MGAT4C: variants seen among roughly 807,000 people sequenced by gnomAD.
The protein encoded by MGAT4C is alpha-1,3-mannosyl-glycoprotein 4-beta-N-acetylglucosaminyltransferase C.
MGAT4C carries 19 observed loss-of-function variants against 40.1 expected under a neutral mutation model. The ratio of observed to expected loss-of-function variants is 0.47; its 90% CI spans 0.33 to 0.70. The LOEUF (loss-of-function observed/expected upper bound fraction) is 0.70, where lower values mean the gene tolerates loss of function less well. Among genes scored for constraint, MGAT4C ranks in the 30% least tolerant of loss-of-function variants. The pLI is 0.02. For synonymous variants in MGAT4C, 181 were observed against 187.1 expected (o/e 0.97, Z 0.27); for missense variants, 491 against 563.2 (o/e 0.87, Z 1.30).
chr12:86,658,709 T>C (rs150792545), intron 2 of MGAT4C, among the ~76,000 whole-genome samples: 1 of 152,192 alleles, frequency 6.6e-6, no homozygotes, highest in Non-Finnish European at 1.5e-5. Context: ...TTTCAAAAAG[T>C]ATTTTTTTTA....
At chr12:86,825,896 G>A (rs1157160985) in intron 1 of MGAT4C, among the ~76,000 whole-genome samples, 1 of 151,390 alleles carries the variant, frequency 6.6e-6, no homozygotes, top group East Asian at 1.9e-4. Context: ...GGGTCTTGGA[G>A]ATTTAAAAAG....
intron 1 of MGAT4C, among the ~76,000 whole-genome samples, chr12:86,758,393 A>ATT (rs771174751): frequency 0.24 from 34,221 of 144,142 alleles, 3,888 homozygotes; most frequent in East Asian, 0.33. Context: ...TTTTTTTTAA[A>ATT]AAAAAGAAAC....
intron 4 of MGAT4C, among the ~76,000 whole-genome samples, chr12:86,278,124 CTAGA>C (rs1247028597): frequency 4.1e-5 from 6 of 145,718 alleles, no homozygotes; most frequent in Non-Finnish European, 9.0e-5. Context: ...TGGTTAATTC[CTAGA>C]TATTTAATTT....
At chr12:86,530,736 C>A (rs937131452) in intron 2 of MGAT4C, among the ~76,000 whole-genome samples, 4 of 151,974 alleles carry the variant, frequency 2.6e-5, no homozygotes, top group African/African-American at 9.7e-5. Context: ...TTCACTATTT[C>A]TCAATCAAGA....
intron 3 of MGAT4C, among the ~76,000 whole-genome samples, chr12:86,420,302 A>G (rs989965229): frequency 3.3e-5 from 5 of 152,082 alleles, no homozygotes; most frequent in Non-Finnish European, 5.9e-5. Context: ...GGATCACTTG[A>G]GCCCAGAGGT....
chr12:86,512,034 T>C (rs994284532), intron 2 of MGAT4C, among the ~76,000 whole-genome samples: 1 of 151,866 alleles, frequency 6.6e-6, no homozygotes, highest in Non-Finnish European at 1.5e-5. Context: ...TTAAAAAACC[T>C]ACAATGCAAT....
chr12:86,053,800 C>T (rs61931125), intron 1 of MGAT4C, among the ~76,000 whole-genome samples: 10,778 of 151,842 alleles, frequency 0.071, 541 homozygotes, highest in Middle Eastern at 0.23. Context: ...AGAAGACCAA[C>T]AGGTATATAC....
At chr12:86,535,689 C>T (rs1375393161) in intron 2 of MGAT4C, among the ~76,000 whole-genome samples, 3 of 152,040 alleles carry the variant, frequency 2.0e-5, no homozygotes, top group Admixed American at 2.0e-4. Flanking sequence ...AACAATTAAT[C>T]CTCCTGGAGC....
At chr12:86,456,077 A>G (rs924781582) in intron 2 of MGAT4C, among the ~76,000 whole-genome samples, 11 of 152,144 alleles carry the variant, frequency 7.2e-5, no homozygotes, top group African/African-American at 2.4e-4. Context: ...TATCCTTCCT[A>G]TTCCTCATTC....
intron 4 of MGAT4C, among the ~76,000 whole-genome samples, chr12:86,289,373 T>C (rs1286599553): frequency 6.6e-6 from 1 of 152,200 alleles, no homozygotes; most frequent in Admixed American, 6.5e-5. Flanking sequence ...TTGCTTAAGA[T>C]TACCTTCACC....
intron 2 of MGAT4C, among the ~76,000 whole-genome samples, chr12:86,008,395 A>C (rs1278560181): frequency 6.6e-6 from 1 of 151,964 alleles, no homozygotes; most frequent in Non-Finnish European, 1.5e-5. Context: ...ATTATTAATA[A>C]TTTTATCTTT....
At chr12:85,987,116 A>ATTT (rs869139864) in intron 3 of MGAT4C, among the ~76,000 whole-genome samples, 5 of 73,898 alleles carry the variant, frequency 6.8e-5, no homozygotes, top group East Asian at 1.0e-3. Flanking sequence ...TAAAATAATA[A>ATTT]TTTTTTTTTT....
chr12:86,321,079 A>C (rs1157574675), intron 4 of MGAT4C, among the ~76,000 whole-genome samples: 1 of 152,116 alleles, frequency 6.6e-6, no homozygotes, highest in Non-Finnish European at 1.5e-5. Context: ...AAATCTTAAA[A>C]CCATTTTTAT....
chr12:86,713,506 C>T (rs187335981), intron 2 of MGAT4C, among the ~76,000 whole-genome samples: 5 of 152,060 alleles, frequency 3.3e-5, no homozygotes, highest in Non-Finnish European at 7.4e-5. Flanking sequence ...ATTATAAGGG[C>T]TTCTACCTCT....
chr12:86,600,694 G>A (rs551437756), intron 2 of MGAT4C, among the ~76,000 whole-genome samples: 123 of 152,346 alleles, frequency 8.1e-4, no homozygotes, highest in South Asian at 5.2e-3. Context: ...GGCTCGGCCA[G>A]GGCTGCGCAC....
chr12:86,394,550 TA>T (rs1956216699), intron 3 of MGAT4C, among the ~76,000 whole-genome samples: 1 of 143,484 alleles, frequency 7.0e-6, no homozygotes, highest in African/African-American at 2.6e-5. Context: ...TATTTATATA[TA>T]TTTATATATT....
At chr12:86,584,251 C>T (rs114145852) in intron 2 of MGAT4C, among the ~76,000 whole-genome samples, 1,620 of 150,660 alleles carry the variant, frequency 0.011, 32 homozygotes, top group African/African-American at 0.038. Flanking sequence ...AAAGATAGCG[C>T]TACATTGATG....
At chr12:86,580,410 A>G (rs1227209999) in intron 2 of MGAT4C, among the ~76,000 whole-genome samples, 1 of 151,486 alleles carries the variant, frequency 6.6e-6, no homozygotes, top group Non-Finnish European at 1.5e-5. Flanking sequence ...TAAGGTATAG[A>G]TTATAGTCTG....
intron 2 of MGAT4C, among the ~76,000 whole-genome samples, chr12:86,712,883 G>A (rs898164497): frequency 6.6e-6 from 1 of 151,990 alleles, no homozygotes; most frequent in Non-Finnish European, 1.5e-5. Flanking sequence ...ATAACATTAA[G>A]CCAGAAAACA....
Sources: gnomAD v4.1 joint callset for allele counts (sites outside exome capture counted in the v4.1 genomes callset) on GRCh38, gnomAD v4.1.1 for gene constraint, MANE v1.5 for transcripts, NCBI Gene and HGNC (gene_info 2026-07-23, HGNC 2026-07-21) for gene names.